FAXC: variants seen among roughly 807,000 people sequenced by gnomAD.
The protein encoded by FAXC is failed axon connections homolog, metaxin like GST domain containing, also known as failed axon connections homolog.
In FAXC, 10 loss-of-function variants were observed where a neutral mutation model predicts 41.9. The ratio of observed to expected loss-of-function variants is 0.24; its 90% CI spans 0.15 to 0.41. The LOEUF is 0.41. Ranked by LOEUF, FAXC falls within the 10% of genes least tolerant of loss-of-function variation. The pLI is 1.00. For missense variants in FAXC, 399 were observed against 510.9 expected, an observed-to-expected ratio of 0.78 and a Z score of 2.11; for synonymous variants, 183 against 183.8, an observed-to-expected ratio of 1.00 and a Z score of 0.03.
chr6:99,323,373 C>A, intron 4 of FAXC, 71 bp downstream of exon 4: 1 of 1,320,404 alleles, frequency 7.6e-7, no homozygotes, highest in Admixed American at 2.0e-5. Context: ...AATTAGTGAA[C>A]CAACAGTGTT....
chr6:99,328,497 T>G (rs1271342721), intron 3 of FAXC, among the ~76,000 whole-genome samples: 1 of 152,320 alleles, frequency 6.6e-6, no homozygotes, highest in Non-Finnish European at 1.5e-5. Context: ...AGAAATAAAC[T>G]TCTGCTCTTT....
At chr6:99,285,275 CA>C (rs532358744) in intron 5 of FAXC, among the ~76,000 whole-genome samples, 10 of 151,032 alleles carry the variant, frequency 6.6e-5, no homozygotes, top group African/African-American at 2.4e-4. Flanking sequence ...CTTTTTTAAG[CA>C]AAAAAAGAGA....
At chr6:99,333,249 T>G in intron 3 of FAXC, 102 bp downstream of exon 3, 1 of 1,018,820 alleles carries the variant, frequency 9.8e-7, no homozygotes, top group African/African-American at 1.6e-5. Context: ...TCCGAAACTG[T>G]TAAGGTAGAA....
At chr6:99,298,014 A>C (rs1437776752) in intron 4 of FAXC, among the ~76,000 whole-genome samples, 1 of 152,120 alleles carries the variant, frequency 6.6e-6, no homozygotes, top group Non-Finnish European at 1.5e-5. Flanking sequence ...AATACTTGGG[A>C]ATGGGACTAG....
rs898876745 is a variant in FAXC, at chr6:99,272,746, T to G, written c.*8418A>C. 1 of 152,200 alleles carries G rather than the reference T, an allele frequency of 6.6e-6. No homozygotes were observed. Among genetic ancestry groups the G allele is most frequent in the African/African-American group, 2.4e-5 (1 of 41,442 alleles). 9.4% of individuals were successfully genotyped at this position (152,200 alleles called of 1,614,324 possible). ...ATGCCTAAAAAATTCATTACCTCTGTTTTAATTATACAAGAGCCTTACAAC... is the reference window on the plus strand; with the variant it reads ...ATGCCTAAAAAATTCATTACCTCTGGTTTAATTATACAAGAGCCTTACAAC... On this transcript the variant is annotated 3_prime_UTR_variant, in exon 6 of 6. Coordinates refer to ENST00000389677, the MANE Select transcript of FAXC (RefSeq NM_032511.4).
At chr6:99,284,768 G>T (rs370845616) in intron 5 of FAXC, among the ~76,000 whole-genome samples, 2 of 152,100 alleles carry the variant, frequency 1.3e-5, no homozygotes. Flanking sequence ...GCAAAAAGTA[G>T]CCGGTTGTGG....
At chr6:99,333,254 G>A (rs1036053974) in intron 3 of FAXC, 97 bp downstream of exon 3, 7 of 1,060,240 alleles carry the variant, frequency 6.6e-6, no homozygotes, top group African/African-American at 1.6e-5. Context: ...AACTGTTAAG[G>A]TAGAAAACTG....
Position 99,313,400 on chromosome 6 carries a change from C to T in FAXC, c.823+10044G>A, listed in dbSNP as rs75512620. On this transcript the variant is annotated intron_variant, in intron 4 of 5. Transcript: ENST00000389677. The stretch of plus-strand genomic sequence containing the variant: ...CTTTATATGTCTTCTGACCAATTTT[C>T]CCCCTTAAGTATTCACTTTTCTTAT... Among the ~76,000 whole-genome samples, 731 of 152,298 alleles carry T rather than the reference C, an allele frequency of 4.8e-3. 12 individuals are homozygous for T. Among genetic ancestry groups the T allele is most frequent in the African/African-American group, 0.017 (702 of 41,560 alleles).
Position 99,349,452 on chromosome 6 carries a change from CTCAGAGGCGCGCGGAG to C in FAXC, c.-96_-81del. On this transcript the variant is annotated 5_prime_UTR_variant, in exon 1 of 6. Transcript: ENST00000389677. ...AGGGGCCGGCGCGGCCCGGCGCGGG[CTCAGAGGCGCGCGGAG>C]GGCGCGGGCGGCGCGGGCGGCGGCG... is the stretch of plus-strand genomic sequence containing the variant. 1 of 1,053,582 alleles carries C rather than the reference CTCAGAGGCGCGCGGAG, an allele frequency of 9.5e-7. No individual in the cohort carries two copies. Among genetic ancestry groups the C allele is most frequent in the Non-Finnish European group, 1.1e-6 (1 of 873,136 alleles). The allele number at this position is 1,053,582 out of a possible 1,614,324, so 65.3% of individuals were successfully genotyped here.
intron 4 of FAXC, among the ~76,000 whole-genome samples, chr6:99,296,064 T>G (rs1398124368): frequency 6.6e-6 from 1 of 152,224 alleles, no homozygotes; most frequent in Non-Finnish European, 1.5e-5. Flanking sequence ...TATGCACTAA[T>G]GGATATTTAT....
In FAXC at chr6:99,349,097, T is replaced by G. The variant is rs1773698433; in HGVS notation, c.266+10A>C. On this transcript the variant is annotated intron_variant, in intron 1 of 5. Coordinates refer to ENST00000389677, the MANE Select transcript of FAXC (RefSeq NM_032511.4). ...CTGCGCCCCTGTGCGGGGCCCTCTC[T>G]CCGGCTCACCTAATGACCAGGAGTT... is the stretch of plus-strand genomic sequence containing the variant. 2 of 1,612,754 alleles carry G rather than the reference T, an allele frequency of 1.2e-6. No homozygotes were observed. Among genetic ancestry groups the G allele is most frequent in the Admixed American group, 1.7e-5 (1 of 60,006 alleles).
chr6:99,323,463 C>T lies in FAXC; in HGVS notation c.804G>A (p.Arg268=). The change falls in exon 4 of 6, where the codon CGG becomes CGA. Residue 268 remains arginine (R), a synonymous_variant. Coordinates refer to ENST00000389677, the MANE Select transcript of FAXC (RefSeq NM_032511.4). ...CATTACCCAAAAGCCCTGCTAAAGA[C>T]CGCATGTCCTTCTCCATCAGCATGT... ...EIYMLMEKDM[R]SLAGLLGDKK... 1 of 1,614,196 alleles carries T rather than the reference C, an allele frequency of 6.2e-7. No individual in the cohort carries two copies. Among genetic ancestry groups the T allele is most frequent in the Admixed American group, 1.7e-5 (1 of 60,036 alleles).
intron 4 of FAXC, 28 bp from the exon 5 acceptor site, chr6:99,291,848 T>C (rs761947889): frequency 2.0e-5 from 31 of 1,543,192 alleles, no homozygotes; most frequent in African/African-American, 2.7e-5. Context: ...GAGAAGTCAA[T>C]GGGCTGGCCC....
At chr6:99,284,599 GA>G (rs1770953356) in intron 5 of FAXC, among the ~76,000 whole-genome samples, 2 of 34,716 alleles carry the variant, frequency 5.8e-5, no homozygotes, top group East Asian at 3.7e-4. Flanking sequence ...GTGTGTGTGT[GA>G]TAAGCCTGTG....
At chr6:99,284,707 G>A (rs769945929) in intron 5 of FAXC, among the ~76,000 whole-genome samples, 11 of 152,082 alleles carry the variant, frequency 7.2e-5, no homozygotes, top group Non-Finnish European at 1.2e-4. Flanking sequence ...GAGGCCAGGA[G>A]TTCGATACCA....
chr6:99,312,223 A>G (rs1048606718), intron 4 of FAXC, among the ~76,000 whole-genome samples: 1 of 152,160 alleles, frequency 6.6e-6, no homozygotes, highest in African/African-American at 2.4e-5. Context: ...AAACCAAACC[A>G]TTAGAAGAGG....
intron 4 of FAXC, among the ~76,000 whole-genome samples, chr6:99,302,957 G>A (rs916781248): frequency 6.6e-6 from 1 of 151,902 alleles, no homozygotes; most frequent in African/African-American, 2.4e-5. Context: ...GTTGTTCATT[G>A]TACTGCTCTT....
intron 3 of FAXC, among the ~76,000 whole-genome samples, chr6:99,329,930 ACT>A (rs1440784597): frequency 3.3e-5 from 5 of 151,110 alleles, no homozygotes; most frequent in Admixed American, 2.0e-4. Context: ...ACATGGTCTC[ACT>A]CTGTCGCCCA....
At chr6:99,334,371 C>T (rs779015900) in intron 2 of FAXC, among the ~76,000 whole-genome samples, 2 of 152,176 alleles carry the variant, frequency 1.3e-5, no homozygotes, top group South Asian at 2.1e-4. Context: ...ATAGAACCTC[C>T]TCTGGGTGGA....
Sources: gnomAD v4.1 joint callset for allele counts (sites outside exome capture counted in the v4.1 genomes callset) on GRCh38, gnomAD v4.1.1 for gene constraint, MANE v1.5 for transcripts, NCBI Gene and HGNC (gene_info 2026-07-23, HGNC 2026-07-21) for gene names.